The following EML4 variants were observed in gnomAD, a reference collection of about 807,000 sequenced individuals.
EML4 encodes the protein echinoderm microtubule-associated protein-like 4.
Under a neutral mutation model 129.0 loss-of-function variants are expected in EML4, and 72 were observed. The ratio of observed to expected loss-of-function variants is 0.56; its 90% CI spans 0.46 to 0.68. The LOEUF (loss-of-function observed/expected upper bound fraction) is 0.68, where lower values mean the gene tolerates loss of function less well. Among genes scored for constraint, EML4 ranks in the 30% least tolerant of loss-of-function variants. EML4 has a pLI of 0.00. For synonymous variants in EML4, 532 were observed against 405.0 expected (o/e 1.31, Z -3.77); for missense variants, 1,363 against 1,190.6 (o/e 1.14, Z -2.13).
chr2:42,214,555 C>G (rs1195301481), intron 1 of EML4, among the ~76,000 whole-genome samples: 1 of 151,940 alleles, frequency 6.6e-6, no homozygotes, highest in Non-Finnish European at 1.5e-5. Flanking sequence ...GTTAAAAAAA[C>G]AAACACCTAA....
chr2:42,179,683 C>T (rs1670816146), intron 1 of EML4, among the ~76,000 whole-genome samples: 1 of 152,032 alleles, frequency 6.6e-6, no homozygotes, highest in African/African-American at 2.4e-5. Flanking sequence ...GCTCACTGCA[C>T]CCTCTGCCTC....
chr2:42,191,120 A>C (rs1258991436), intron 1 of EML4, among the ~76,000 whole-genome samples: 1 of 152,234 alleles, frequency 6.6e-6, no homozygotes, highest in Admixed American at 6.5e-5. Context: ...GCATTCGTTG[A>C]ATAGTAAGCC....
chr2:42,284,723 G>C lies in EML4; in HGVS notation c.1011+20G>C, dbSNP rs762515661. On this transcript the variant is annotated intron_variant, in intron 9 of 22. Coordinates refer to ENST00000318522, the MANE Select transcript of EML4 (RefSeq NM_019063.5). ...GGAAGGGTGAGTGGCATAGTGTTAT[G>C]CCTTCTGTACCTAGAGACATTGCTG... 6.3e-6 allele frequency: 10 copies of C among 1,586,472 alleles called. No individual in the cohort carries two copies. Among genetic ancestry groups the C allele is most frequent in the Non-Finnish European group, 8.6e-6 (10 of 1,158,414 alleles).
chr2:42,288,317 A>C lies in EML4; in HGVS notation c.1213A>C (p.Ile405Leu). 1 of 1,523,784 alleles carries C rather than the reference A, an allele frequency of 6.6e-7. No individual in the cohort carries two copies. Among genetic ancestry groups the C allele is most frequent in the Non-Finnish European group, 9.0e-7 (1 of 1,107,292 alleles). 94.4% of individuals were successfully genotyped at this position (1,523,784 alleles called of 1,614,324 possible). Residue 405 changes from isoleucine to leucine, a missense_variant, in exon 11 of 23, where the codon ATA (isoleucine) becomes CTA (leucine). Ile to Leu is a conservative substitution (Grantham distance 5). Coordinates refer to ENST00000318522, the MANE Select transcript of EML4 (RefSeq NM_019063.5). ...GCAGAAGAAAGCAAAAGGAGCAGAAATAAAGGTAAATTTTTAAAAAACCGA... is the reference window on the plus strand; with the variant it reads ...GCAGAAGAAAGCAAAAGGAGCAGAACTAAAGGTAAATTTTTAAAAAACCGA... ...DWQKKAKGAE[I>L]KTTNEVVLAV...
At chr2:42,177,966 C>A (rs143095832) in intron 1 of EML4, among the ~76,000 whole-genome samples, 1 of 152,098 alleles carries the variant, frequency 6.6e-6, no homozygotes, top group Non-Finnish European at 1.5e-5. Flanking sequence ...ATGAAAGATA[C>A]ATTTTTAGTG....
chr2:42,322,583 T>C (rs934117695), intron 19 of EML4, among the ~76,000 whole-genome samples: 9 of 152,260 alleles, frequency 5.9e-5, no homozygotes, highest in Admixed American at 2.6e-4. Context: ...CCATATTCTT[T>C]CACTTTGTCA....
At chr2:42,261,473 G>T in intron 4 of EML4, 179 bp downstream of exon 4, 4 of 354,310 alleles carry the variant, frequency 1.1e-5, no homozygotes, top group East Asian at 4.1e-5. Context: ...AAGAATTAAG[G>T]TCACAATTTC....
At chr2:42,169,707 G>GGCCCT in intron 1 of EML4, 71 bp downstream of exon 1, 2 of 1,532,124 alleles carry the variant, frequency 1.3e-6, no homozygotes, top group South Asian at 2.3e-5. Context: ...ACACAGCCCA[G>GGCCCT]GCCCTGCCCT....
chr2:42,204,831 A>G (rs1428581558), intron 1 of EML4, among the ~76,000 whole-genome samples: 1 of 152,208 alleles, frequency 6.6e-6, no homozygotes, highest in Non-Finnish European at 1.5e-5. Context: ...GACCTAGTTA[A>G]CTAGTTAACC....
chr2:42,215,546 A>G (rs1049759984), intron 1 of EML4, among the ~76,000 whole-genome samples: 5 of 152,192 alleles, frequency 3.3e-5, no homozygotes, highest in Admixed American at 2.6e-4. Context: ...AATGTTTAAG[A>G]AGCAAAAAAA....
At chr2:42,204,547 C>G (rs1372495733) in intron 1 of EML4, among the ~76,000 whole-genome samples, 2 of 152,174 alleles carry the variant, frequency 1.3e-5, no homozygotes, top group Non-Finnish European at 2.9e-5. Context: ...TATTTATCAA[C>G]ACTGAATTTC....
In EML4 at chr2:42,195,414, T is replaced by A. The variant is rs139641972; in HGVS notation, c.25+25778T>A. 5.6e-4 allele frequency among the ~76,000 whole-genome samples: 85 copies of A among 152,354 alleles called. 2 individuals carry two copies. The East Asian group carries it at 8.7e-3, about 16-fold the overall frequency. ...TAAAATAAGCAAAAATAAATTGATT[T>A]TAGTAAACATTAGAAATAATTTTTC... On this transcript the variant is annotated intron_variant, in intron 1 of 22. Coordinates refer to ENST00000318522, the MANE Select transcript of EML4 (RefSeq NM_019063.5).
intron 1 of EML4, among the ~76,000 whole-genome samples, chr2:42,192,536 A>G (rs1273360572): frequency 1.3e-5 from 2 of 152,030 alleles, no homozygotes; most frequent in African/African-American, 2.4e-5. Context: ...CACCGTGCCC[A>G]GCCTACTGTT....
intron 17 of EML4, among the ~76,000 whole-genome samples, chr2:42,307,065 A>C (rs550909207): frequency 2.5e-4 from 38 of 152,372 alleles, no homozygotes; most frequent in Admixed American, 9.1e-4. Flanking sequence ...CTATGTATAC[A>C]AGGGAGTTAA....
intron 1 of EML4, among the ~76,000 whole-genome samples, chr2:42,209,149 C>T (rs186817013): frequency 2.6e-4 from 40 of 152,184 alleles, no homozygotes; most frequent in Non-Finnish European, 4.9e-4. Context: ...TAATATGATA[C>T]TAAAAGCAGT....
intron 1 of EML4, among the ~76,000 whole-genome samples, chr2:42,194,522 CTTTTTTTTTTT>C (rs879663296): frequency 7.1e-6 from 1 of 141,430 alleles, no homozygotes; most frequent in Non-Finnish European, 1.6e-5. Flanking sequence ...TTTTTTATTT[CTTTTTTTTTTT>C]TAGACAAGGT....
chr2:42,230,635 A>T (rs1203160105), intron 1 of EML4, among the ~76,000 whole-genome samples: 1 of 152,020 alleles, frequency 6.6e-6, no homozygotes, highest in African/African-American at 2.4e-5. Context: ...CAAACTCCTG[A>T]CCTCAGGCGA....
chr2:42,315,349 GTCT>G (rs998077574), intron 17 of EML4, among the ~76,000 whole-genome samples: 3 of 152,088 alleles, frequency 2.0e-5, no homozygotes, highest in Non-Finnish European at 4.4e-5. Flanking sequence ...CCAACTTAGT[GTCT>G]TCTTCAAGAA....
Position 42,212,419 on chromosome 2 carries a change from C to T in EML4, c.26-33086C>T, listed in dbSNP as rs372039613. Among the ~76,000 whole-genome samples, 9 of 151,986 alleles carry T rather than the reference C, an allele frequency of 5.9e-5. No homozygotes were observed. In the South Asian group the frequency reaches 1.5e-3, roughly 25 times the overall value. Reference sequence around the variant, plus strand: ...GCCATTTAAAAGTTTTTACTTAATTCCTTCAGCGTTTTAAAGAAAAGGACA... The same window carrying T: ...GCCATTTAAAAGTTTTTACTTAATTTCTTCAGCGTTTTAAAGAAAAGGACA... On this transcript the variant is annotated intron_variant, in intron 1 of 22. Coordinates refer to ENST00000318522, the MANE Select transcript of EML4 (RefSeq NM_019063.5).
Sources: allele counts gnomAD v4.1 joint callset (sites outside exome capture counted in the v4.1 genomes callset), GRCh38; gene constraint gnomAD v4.1.1; transcripts MANE v1.5; gene names NCBI Gene and HGNC (gene_info 2026-07-23, HGNC 2026-07-21).